Variants in ATXN7L3 observed in about 807,000 individuals in gnomAD.
ATXN7L3 encodes ataxin-7-like protein 3.
ATXN7L3 carries 6 observed loss-of-function variants against 50.0 expected under a neutral mutation model. That is an observed-to-expected ratio of 0.12 (90% CI 0.07 to 0.24). ATXN7L3 has a LOEUF of 0.24. ATXN7L3 is among the 10% of genes least tolerant of loss of function. The probability of loss-of-function intolerance (pLI) is 1.00; values close to 1 mark genes in which losing one functional copy is unlikely to be tolerated. For missense variants in ATXN7L3, 322 were observed against 451.3 expected (o/e 0.71, Z 2.60); for synonymous variants, 198 against 165.8 (o/e 1.19, Z -1.49).
rs542200899 is a variant in ATXN7L3, at chr17:44,195,511, G to A, written c.553-24C>T. Reference sequence around the variant, plus strand: ...TACTGCAGGACAACCAGAGGTACAGGTTAGAGATGGGGCAGAGAAAAGAGA... The same window carrying A: ...TACTGCAGGACAACCAGAGGTACAGATTAGAGATGGGGCAGAGAAAAGAGA... On this transcript the variant is annotated intron_variant, in intron 8 of 12. Transcript: ENST00000587097. 41 of 1,601,496 alleles carry A rather than the reference G, an allele frequency of 2.6e-5. 2 individuals are homozygous for A. Among genetic ancestry groups the A allele is most frequent in the Admixed American group, 1.5e-4 (9 of 59,998 alleles).
At position 44,197,417 on chromosome 17, in the gene ATXN7L3, T is replaced by C. The variant is rs2144488194; in HGVS notation, c.185-18A>G. ...CACGATCTCTGGGGACAGGAGAGGC[T>C]GGCGATCAGGGTGGGCAGGACCCTC... is the stretch of plus-strand genomic sequence containing the variant. On this transcript the variant is annotated intron_variant, in intron 3 of 12. Coordinates refer to ENST00000587097, the MANE Select transcript of ATXN7L3 (RefSeq NM_001382309.1). 6.3e-7 allele frequency: 1 copy of C among 1,583,710 alleles called. No homozygotes were observed. The highest frequency in any genetic ancestry group is 2.2e-5 in the East Asian group (1 of 44,528).
In ATXN7L3 at chr17:44,193,257, A is replaced by C. The variant is rs943976146; in HGVS notation, c.*1006T>G. On this transcript the variant is annotated 3_prime_UTR_variant, in exon 13 of 13. Transcript: ENST00000587097. ...AAACAGGGCACGCTTTGGAGGCAGG[A>C]GCGCTGAGAGGAACTGAAGCCAGTC... 3.9e-5 allele frequency: 6 copies of C among 152,356 alleles called. No individual in the cohort carries two copies. The highest frequency in any genetic ancestry group is 5.9e-5 in the Non-Finnish European group (4 of 68,162). The allele number at this position is 152,356 out of a possible 1,614,324, so 9.4% of individuals were successfully genotyped here.
chr17:44,199,732 A>C lies in ATXN7L3; in HGVS notation c.-297T>G, dbSNP rs1272027556. On this transcript the variant is annotated 5_prime_UTR_variant, in exon 1 of 13. Transcript: ENST00000587097. ...GTCGCCGCCTCCTCCTCCTCACCTC[A>C]CCCCGCCCGCGCGCAGTCCGCGCGC... 2.3e-4 allele frequency: 21 copies of C among 90,562 alleles called. No homozygotes were observed. Among genetic ancestry groups the C allele is most frequent in the Admixed American group, 6.8e-4 (6 of 8,816 alleles). 5.6% of individuals were successfully genotyped at this position (90,562 alleles called of 1,614,324 possible). A position where few individuals can be genotyped will look rare whatever the true frequency, so the allele number is the denominator to read the frequency against.
chr17:44,197,077 G>A (rs1567774566), intron 4 of ATXN7L3, 51 bp from the exon 5 acceptor site: 4 of 1,560,392 alleles, frequency 2.6e-6, no homozygotes, highest in Non-Finnish European at 2.6e-6. Flanking sequence ...AGAGAAAGGG[G>A]TCAAGGTGGT....
Position 44,196,417 on chromosome 17 carries a change from G to C in ATXN7L3, c.456C>G (p.Ala152=). 6.2e-7 allele frequency: 1 copy of C among 1,613,904 alleles called. No individual in the cohort carries two copies. The highest frequency in any genetic ancestry group is 8.5e-7 in the Non-Finnish European group (1 of 1,179,974). ...TCACCTTGTCTGACTTTCTCTTCTT[G>C]GCTGTGGGAAACAAAAGCATAAAGA... ...NDWSYGSEKK[A]KKRKSDKNPN... is the part of the protein sequence containing the mutation. Residue 152 remains alanine (A), a splice_region_variant and synonymous_variant, in exon 6 of 13, where the codon GCC becomes GCG. Coordinates refer to ENST00000587097, the MANE Select transcript of ATXN7L3 (RefSeq NM_001382309.1).
chr17:44,193,508 G>A lies in ATXN7L3; in HGVS notation c.*755C>T, dbSNP rs2055771058. On this transcript the variant is annotated 3_prime_UTR_variant, in exon 13 of 13. Transcript: ENST00000587097. ...CTGGGTCAGGGAGGAGAGGCAGGGG[G>A]AGGAATTCTGACACTTCTCCCTCTT... The A allele has an allele frequency of 6.6e-6, 1 of 152,634 alleles. No individual in the cohort carries two copies. Among genetic ancestry groups the A allele is most frequent in the Admixed American group, 6.5e-5 (1 of 15,284 alleles). The allele number at this position is 152,634 out of a possible 1,614,324, so 9.5% of individuals were successfully genotyped here.
intron 9 of ATXN7L3, 50 bp downstream of exon 9, chr17:44,195,369 T>C (rs773901265): frequency 1.3e-6 from 2 of 1,573,120 alleles, no homozygotes; most frequent in South Asian, 1.1e-5. Flanking sequence ...CCACTGCCTA[T>C]GGCTCCAGCC....
At position 44,197,409 on chromosome 17, in the gene ATXN7L3, G is replaced by C. The variant is rs1189587148; in HGVS notation, c.185-10C>G. 3 of 1,587,100 alleles carry C rather than the reference G, an allele frequency of 1.9e-6. No homozygotes were observed. Among genetic ancestry groups the C allele is most frequent in the Non-Finnish European group, 2.6e-6 (3 of 1,162,962 alleles). On this transcript the variant is annotated splice_polypyrimidine_tract_variant and intron_variant, in intron 3 of 12. Coordinates refer to ENST00000587097, the MANE Select transcript of ATXN7L3 (RefSeq NM_001382309.1). ...GGCTGGTCCACGATCTCTGGGGACA[G>C]GAGAGGCTGGCGATCAGGGTGGGCA...
In ATXN7L3 at chr17:44,195,454, G is replaced by A. The variant is rs749179037; in HGVS notation, c.586C>T (p.Leu196=). The stretch of plus-strand genomic sequence containing the variant: ...AGGCTGCGAAGCTCCTCCGGCCCCA[G>A]GGTCTCATAGCTGATCCCAGTTGAA... ...NNSTGISYET[L]GPEELRSLLT... The change falls in exon 9 of 13, where the codon CTG becomes TTG. Residue 196 remains leucine, a synonymous_variant. Transcript: ENST00000587097. 2.5e-6 allele frequency: 4 copies of A among 1,614,112 alleles called. No homozygotes were observed. In the South Asian group the frequency reaches 3.3e-5, roughly 13 times the overall value.
chr17:44,199,185 CGGGGA>C (rs1261087534), intron 1 of ATXN7L3: 2 of 151,558 alleles, frequency 1.3e-5, no homozygotes, highest in Non-Finnish European at 3.0e-5. Flanking sequence ...CCCGGCCGGC[CGGGGA>C]GAGGAGTCCG....
intron 6 of ATXN7L3, 147 bp downstream of exon 6, chr17:44,196,249 A>G: frequency 5.6e-6 from 1 of 177,238 alleles, no homozygotes. Context: ...TTCCCCACCC[A>G]CACTCCCCCG....
chr17:44,197,740 A>G lies in ATXN7L3; in HGVS notation c.52-10T>C. On this transcript the variant is annotated splice_polypyrimidine_tract_variant and intron_variant, in intron 2 of 12. Transcript: ENST00000587097. The stretch of plus-strand genomic sequence containing the variant: ...TCTCCTGAGCGATGGCCTGGGCCCC[A>G]GGGGAGAACATCTACGGTCACAAGA... The G allele has an allele frequency of 6.2e-7, 1 of 1,614,260 alleles. No individual in the cohort carries two copies. Among genetic ancestry groups the G allele is most frequent in the Non-Finnish European group, 8.5e-7 (1 of 1,180,046 alleles).
Position 44,196,935 on chromosome 17 carries a change from T to C in ATXN7L3, c.448A>G (p.Lys150Glu). 1 of 1,612,298 alleles carries C rather than the reference T, an allele frequency of 6.2e-7. No individual in the cohort carries two copies. The highest frequency in any genetic ancestry group is 8.5e-7 in the Non-Finnish European group (1 of 1,178,694). ...TCCCCAGATCCCCAAGCACCTTTCTTCTCCGAGCCATAGGACCAGTCGTTG... is the reference window on the plus strand; with the variant it reads ...TCCCCAGATCCCCAAGCACCTTTCTCCTCCGAGCCATAGGACCAGTCGTTG... ...NDNDWSYGSEKKAKKRKSDKN... is the reference protein window; with the variant it reads ...NDNDWSYGSEEKAKKRKSDKN... The change falls in exon 5 of 13, where the codon AAG (lysine) becomes GAG (glutamate). Residue 150 changes from lysine to glutamate, a missense_variant. Lys to Glu is a moderately conservative substitution (Grantham distance 56, BLOSUM62 1). Coordinates refer to ENST00000587097, the MANE Select transcript of ATXN7L3 (RefSeq NM_001382309.1).
intron 4 of ATXN7L3, 39 bp from the exon 5 acceptor site, chr17:44,197,065 G>T: frequency 6.4e-7 from 1 of 1,571,392 alleles, no homozygotes; most frequent in South Asian, 1.1e-5. Context: ...CAAGGGGAAG[G>T]AAGAGAAAGG....
chr17:44,194,163 C>T lies in ATXN7L3; in HGVS notation c.*100G>A. On this transcript the variant is annotated 3_prime_UTR_variant, in exon 13 of 13. Coordinates refer to ENST00000587097, the MANE Select transcript of ATXN7L3 (RefSeq NM_001382309.1). ...TGCCTGGCCCACCAAGCTTCCCAAG[C>T]CCCAACCCCCAGCAGCCGTCCATTT... The T allele has an allele frequency of 1.3e-6, 2 of 1,485,246 alleles. No homozygotes were observed. The highest frequency in any genetic ancestry group is 1.8e-6 in the Non-Finnish European group (2 of 1,103,186). The allele number at this position is 1,485,246 out of a possible 1,614,324, so 92.0% of individuals were successfully genotyped here.
Position 44,195,404 on chromosome 17 carries a change from C to T in ATXN7L3, c.621+15G>A, listed in dbSNP as rs888852965. ...CCACTCCCAGGGACCTTCTCTCTTG[C>T]TGGTCCTCCCTCACCGTGGTTAGCA... On this transcript the variant is annotated intron_variant, in intron 9 of 12. Coordinates refer to ENST00000587097, the MANE Select transcript of ATXN7L3 (RefSeq NM_001382309.1). The T allele has an allele frequency of 1.1e-5, 18 of 1,612,432 alleles. No homozygotes were observed. Among genetic ancestry groups the T allele is most frequent in the African/African-American group, 2.7e-5 (2 of 74,892 alleles).
At chr17:44,197,148 C>T in intron 4 of ATXN7L3, 80 bp downstream of exon 4, 3 of 1,565,372 alleles carry the variant, frequency 1.9e-6, no homozygotes, top group Non-Finnish European at 2.6e-6. Flanking sequence ...GTAAAACCCA[C>T]CCTCTGTACC....
At chr17:44,196,288 C>T in intron 6 of ATXN7L3, 108 bp downstream of exon 6, 1 of 1,316,802 alleles carries the variant, frequency 7.6e-7, no homozygotes, top group Non-Finnish European at 1.1e-6. Context: ...CACCCTCAAG[C>T]CCCCAATGAC....
intron 1 of ATXN7L3, 176 bp downstream of exon 1, chr17:44,199,320 C>T (rs1005404468): frequency 6.6e-6 from 1 of 151,326 alleles, no homozygotes; most frequent in African/African-American, 2.4e-5. Context: ...AGCCAGGGGC[C>T]CCGGCCCGGC....
Sources: gnomAD v4.1 joint callset for allele counts on GRCh38, gnomAD v4.1.1 for gene constraint, MANE v1.5 for transcripts, NCBI Gene and HGNC (gene_info 2026-07-23, HGNC 2026-07-21) for gene names.